RNF183: variants seen among roughly 807,000 people sequenced by gnomAD.
RNF183 encodes the protein ring finger protein 183, also known as E3 ubiquitin-protein ligase RNF183.
In RNF183, 4 loss-of-function variants were observed where a neutral mutation model predicts 9.0. That is an observed-to-expected ratio of 0.44 (90% CI 0.22 to 1.01). The LOEUF (loss-of-function observed/expected upper bound fraction) is 1.01, where lower values mean the gene tolerates loss of function less well. Among genes scored for constraint, RNF183 ranks in the 50% least tolerant of loss-of-function variants. The probability of loss-of-function intolerance (pLI) is 0.25; values close to 1 mark genes in which losing one functional copy is unlikely to be tolerated. For synonymous variants in RNF183, 102 were observed against 107.5 expected, an observed-to-expected ratio of 0.95 and a Z score of 0.32; for missense variants, 227 against 253.6, an observed-to-expected ratio of 0.89 and a Z score of 0.71.
chr9:113,300,950 G>A (rs1434325365), intron 3 of RNF183, among the ~76,000 whole-genome samples: 2 of 152,160 alleles, frequency 1.3e-5, no homozygotes, highest in Non-Finnish European at 2.9e-5. Context: ...GTTAGGCAGT[G>A]GCAGAGGAGA....
chr9:113,298,381 G>C lies in RNF183; in HGVS notation c.-37-160C>G, dbSNP rs1162324997. On this transcript the variant is annotated intron_variant, in intron 4 of 4. Transcript: ENST00000489339. This position sits in a 1 kb window ranked among gnomAD's most constrained non-coding sequence, Gnocchi z 4.9. ...TGATCACCAGTTCCTAACCCATCGA[G>C]TTGAGTCAAATGCTCCTACAGCCTC... is the stretch of plus-strand genomic sequence containing the variant. 8 of 589,574 alleles carry C rather than the reference G, an allele frequency of 1.4e-5. No individual in the cohort carries two copies. Among genetic ancestry groups the C allele is most frequent in the Non-Finnish European group, 2.1e-5 (7 of 332,682 alleles). 36.5% of individuals were successfully genotyped at this position (589,574 alleles called of 1,614,324 possible).
In RNF183 at chr9:113,298,113, G is replaced by A. The variant is rs754644728; in HGVS notation, c.72C>T (p.Phe24=). 5 of 1,614,076 alleles carry A rather than the reference G, an allele frequency of 3.1e-6. No homozygotes were observed. In the Admixed American group the frequency reaches 6.7e-5, roughly 22 times the overall value. The change falls in exon 5 of 5, where the codon TTC becomes TTT. Residue 24 remains phenylalanine, a synonymous_variant. Transcript: ENST00000489339. The surrounding 1 kb of genome is among the most constrained non-coding windows in gnomAD (Gnocchi z 4.9). ...PVCWNPFNNT[F]HTPKMLDCCH... is the part of the protein sequence containing the mutation. ...AGCAATCCAGCATTTTGGGGGTATG[G>A]AACGTGTTGTTGAAGGGGTTCCAGC...
rs1051358977 is a variant in RNF183, at chr9:113,298,507, T to G, written c.-37-286A>C. 1.1e-5 allele frequency: 4 copies of G among 372,084 alleles called. No individual in the cohort carries two copies. In the South Asian group the frequency reaches 1.5e-4, roughly 14 times the overall value. The allele number at this position is 372,084 out of a possible 1,614,324, so 23.0% of individuals were successfully genotyped here. On this transcript the variant is annotated intron_variant, in intron 4 of 4. Coordinates refer to ENST00000489339, the MANE Select transcript of RNF183 (RefSeq NM_001371237.1). The surrounding 1 kb of genome is among the most constrained non-coding windows in gnomAD (Gnocchi z 4.9). ...CCTGGGCTTTGGAGCTGGACGCAAA[T>G]GCTCCTTATGGTCATTGTCTGTGCC...
rs771628745 is a variant in RNF183 at position 113,298,454 on chromosome 9, A to G, written c.-37-233T>C. On this transcript the variant is annotated intron_variant, in intron 4 of 4. Coordinates refer to ENST00000489339, the MANE Select transcript of RNF183 (RefSeq NM_001371237.1). The surrounding 1 kb of genome is among the most constrained non-coding windows in gnomAD (Gnocchi z 4.9). ...GGGCCACCCCTACCAAGAGCCCCCA[A>G]GAGAGCCGGCATTGGAGCAGATGTC... 10 of 498,552 alleles carry G rather than the reference A, an allele frequency of 2.0e-5. No homozygotes were observed. The highest frequency in any genetic ancestry group is 2.8e-5 in the Non-Finnish European group (8 of 280,786). The allele number at this position is 498,552 out of a possible 1,614,324, so 30.9% of individuals were successfully genotyped here.
chr9:113,300,013 C>A (rs916689154), intron 3 of RNF183, among the ~76,000 whole-genome samples: 3 of 152,188 alleles, frequency 2.0e-5, no homozygotes, highest in African/African-American at 7.2e-5. Context: ...TCCTTCACGG[C>A]CAGAAGACTC....
chr9:113,302,057 T>C (rs1168054954), intron 2 of RNF183, 138 bp downstream of exon 2: 1 of 151,674 alleles, frequency 6.6e-6, no homozygotes, highest in Non-Finnish European at 1.5e-5. Context: ...ATATTAGCAG[T>C]GGTTATCTCT....
At position 113,298,379 on chromosome 9, in the gene RNF183, G is replaced by A. The variant is rs1832807260; in HGVS notation, c.-37-158C>T. On this transcript the variant is annotated intron_variant, in intron 4 of 4. Coordinates refer to ENST00000489339, the MANE Select transcript of RNF183 (RefSeq NM_001371237.1). The surrounding 1 kb of genome is among the most constrained non-coding windows in gnomAD (Gnocchi z 4.9). ...CTTGATCACCAGTTCCTAACCCATC[G>A]AGTTGAGTCAAATGCTCCTACAGCC... The A allele has an allele frequency of 6.8e-6, 4 of 591,202 alleles. No individual in the cohort carries two copies. The highest frequency in any genetic ancestry group is 1.2e-5 in the Non-Finnish European group (4 of 333,584). The allele number at this position is 591,202 out of a possible 1,614,324, so 36.6% of individuals were successfully genotyped here. A position where few individuals can be genotyped will look rare whatever the true frequency, so the allele number is the denominator to read the frequency against.
In RNF183 at chr9:113,297,958, G is replaced by T; in HGVS notation, c.227C>A (p.Thr76Lys). Reference protein sequence around the residue: ...ASGQPVTDLPTDTAMLALLRL... With the variant: ...ASGQPVTDLPKDTAMLALLRL... ...GAGCAGGGCGAGCATGGCAGTGTCC[G>T]TGGGCAAGTCAGTGACAGGCTGCCC... The change falls in exon 5 of 5, where the codon ACG becomes AAG. Residue 76 changes from threonine to lysine, a missense_variant. By Grantham distance (78) the Thr-to-Lys change is moderately conservative. Coordinates refer to ENST00000489339, the MANE Select transcript of RNF183 (RefSeq NM_001371237.1). 4 of 1,613,822 alleles carry T rather than the reference G, an allele frequency of 2.5e-6. No individual in the cohort carries two copies. The South Asian group carries it at 4.4e-5, about 18-fold the overall frequency.
intron 3 of RNF183, among the ~76,000 whole-genome samples, chr9:113,301,432 A>C (rs943453877): frequency 5.3e-5 from 8 of 152,246 alleles, no homozygotes; most frequent in African/African-American, 1.9e-4. Flanking sequence ...ACATAAACTT[A>C]GAAAAGGCAA....
At chr9:113,302,848 C>A (rs1436573710) in intron 1 of RNF183, among the ~76,000 whole-genome samples, 2 of 152,190 alleles carry the variant, frequency 1.3e-5, no homozygotes, top group Non-Finnish European at 2.9e-5. Context: ...ATTTTTAGAC[C>A]CATTTTCTAG....
chr9:113,297,654 G>C lies in RNF183; in HGVS notation c.531C>G (p.Leu177=). 1 of 1,612,726 alleles carries C rather than the reference G, an allele frequency of 6.2e-7. No individual in the cohort carries two copies. Among genetic ancestry groups the C allele is most frequent in the Non-Finnish European group, 8.5e-7 (1 of 1,179,316 alleles). The change falls in exon 5 of 5, where the codon CTC becomes CTG. Residue 177 remains leucine (L), a synonymous_variant. Coordinates refer to ENST00000489339, the MANE Select transcript of RNF183 (RefSeq NM_001371237.1). ...MAVILSVTLL[L]IFSIFWTKQF... ...GCTTGGTCCAAAAGATGGAGAATAT[G>C]AGCAACAGAGTGACACTGAGGATGA...
rs1015890758 is a variant in RNF183, at chr9:113,298,105, G to A, written c.80C>T (p.Pro27Leu). The A allele has an allele frequency of 1.9e-6, 3 of 1,613,978 alleles. No individual in the cohort carries two copies. ...GGAGTGGCAGCAATCCAGCATTTTG[G>A]GGGTATGGAACGTGTTGTTGAAGGG... ...WNPFNNTFHTPKMLDCCHSFC... is the reference protein window; with the variant it reads ...WNPFNNTFHTLKMLDCCHSFC... The change falls in exon 5 of 5, where the codon CCC becomes CTC. Residue 27 changes from proline (P) to leucine (L), a missense_variant. Coordinates refer to ENST00000489339, the MANE Select transcript of RNF183 (RefSeq NM_001371237.1). This position sits in a 1 kb window ranked among gnomAD's most constrained non-coding sequence, Gnocchi z 4.9.
In RNF183 at chr9:113,298,354, C is replaced by T. The variant is rs1359824426; in HGVS notation, c.-37-133G>A. The stretch of plus-strand genomic sequence containing the variant: ...TACTTAGGTTCAAAAGCGTTTTGTT[C>T]TTGATCACCAGTTCCTAACCCATCG... On this transcript the variant is annotated intron_variant, in intron 4 of 4. Transcript: ENST00000489339. The surrounding 1 kb of genome is among the most constrained non-coding windows in gnomAD (Gnocchi z 4.9). The T allele has an allele frequency of 1.6e-6, 1 of 616,672 alleles. No homozygotes were observed. Among genetic ancestry groups the T allele is most frequent in the Non-Finnish European group, 2.9e-6 (1 of 349,300 alleles). The allele number at this position is 616,672 out of a possible 1,614,324, so 38.2% of individuals were successfully genotyped here.
chr9:113,297,397 G>A lies in RNF183; in HGVS notation c.*209C>T, dbSNP rs1361188436. 4 of 418,116 alleles carry A rather than the reference G, an allele frequency of 9.6e-6. No individual in the cohort carries two copies. Among genetic ancestry groups the A allele is most frequent in the South Asian group, 4.4e-5 (1 of 22,498 alleles). 25.9% of individuals were successfully genotyped at this position (418,116 alleles called of 1,614,324 possible). ...CTTCCATGACGCCACACTCACACCC[G>A]GAGGTCGCTCCACATCTCCCAGTCC... On this transcript the variant is annotated 3_prime_UTR_variant, in exon 5 of 5. Transcript: ENST00000489339.
rs757847901 is a variant in RNF183, at chr9:113,298,104, G to C, written c.81C>G (p.Pro27=). The C allele has an allele frequency of 6.2e-7, 1 of 1,614,080 alleles. No homozygotes were observed. Among genetic ancestry groups the C allele is most frequent in the South Asian group, 1.1e-5 (1 of 91,084 alleles). ...AGGAGTGGCAGCAATCCAGCATTTT[G>C]GGGGTATGGAACGTGTTGTTGAAGG... ...WNPFNNTFHT[P]KMLDCCHSFC... is the part of the protein sequence containing the mutation. The change falls in exon 5 of 5, where the codon CCC becomes CCG. Residue 27 remains proline (P), a synonymous_variant. Transcript: ENST00000489339. This position sits in a 1 kb window ranked among gnomAD's most constrained non-coding sequence, Gnocchi z 4.9.
Position 113,297,784 on chromosome 9 carries a change from G to A in RNF183, c.401C>T (p.Thr134Met), listed in dbSNP as rs376991617. Residue 134 changes from threonine to methionine, a missense_variant, in exon 5 of 5, where the codon ACG becomes ATG. Thr to Met is a moderately conservative substitution (Grantham distance 81). Transcript: ENST00000489339. ...PGGQTGPPPD[T>M]ASATVSTPIL... is the part of the protein sequence containing the mutation. The stretch of plus-strand genomic sequence containing the variant: ...GGGCGTAGACACGGTGGCAGAGGCC[G>A]TGTCTGGGGGCGGCCCAGTCTGGCC... 1.8e-4 allele frequency: 292 copies of A among 1,612,922 alleles called. 1 individual carries two copies. The highest frequency in any genetic ancestry group is 5.0e-4 in the Admixed American group (30 of 59,876).
At chr9:113,300,173 C>G (rs943782540) in intron 3 of RNF183, among the ~76,000 whole-genome samples, 3 of 152,140 alleles carry the variant, frequency 2.0e-5, no homozygotes, top group African/African-American at 7.2e-5. Flanking sequence ...TGGTTTTCTT[C>G]TAGACCTCTG....
chr9:113,298,304 G>A lies in RNF183; in HGVS notation c.-37-83C>T. 1.2e-6 allele frequency: 1 copy of A among 808,568 alleles called. No individual in the cohort carries two copies. Among genetic ancestry groups the A allele is most frequent in the Non-Finnish European group, 2.0e-6 (1 of 494,334 alleles). The allele number at this position is 808,568 out of a possible 1,614,324, so 50.1% of individuals were successfully genotyped here. A position where few individuals can be genotyped will look rare whatever the true frequency, so the allele number is the denominator to read the frequency against. On this transcript the variant is annotated intron_variant, in intron 4 of 4. Coordinates refer to ENST00000489339, the MANE Select transcript of RNF183 (RefSeq NM_001371237.1). The surrounding 1 kb of genome is among the most constrained non-coding windows in gnomAD (Gnocchi z 4.9). ...GCCTGGGGCAAAGTGTTCTGTGGGT[G>A]TTGAAAGGTGTAATCACCACGTTTT...
chr9:113,301,208 C>CA (rs1331543736), intron 3 of RNF183, among the ~76,000 whole-genome samples: 1 of 152,120 alleles, frequency 6.6e-6, no homozygotes, highest in East Asian at 1.9e-4. Flanking sequence ...GACCACAAAG[C>CA]AATGCATGAC....
Sources: gnomAD v4.1 joint callset for allele counts (sites outside exome capture counted in the v4.1 genomes callset) on GRCh38, gnomAD v4.1.1 for gene constraint, Gnocchi (gnomAD v3.1) non-coding constraint, MANE v1.5 for transcripts, NCBI Gene and HGNC (gene_info 2026-07-23, HGNC 2026-07-21) for gene names.